The following PTGIS variants were observed in gnomAD, a reference collection of about 807,000 sequenced individuals.
The protein encoded by PTGIS is prostacyclin synthase.
A neutral mutation model predicts 50.3 loss-of-function variants in PTGIS; 45 were observed. That is an observed-to-expected ratio of 0.90 (90% CI 0.70 to 1.15). The LOEUF (loss-of-function observed/expected upper bound fraction) is 1.15, where lower values mean the gene tolerates loss of function less well. Ranked by LOEUF, PTGIS falls within the 50% of genes most tolerant of loss-of-function variation. The pLI is 0.00. For synonymous variants in PTGIS, 260 were observed against 267.7 expected, an observed-to-expected ratio of 0.97 and a Z score of 0.28; for missense variants, 668 against 661.3, an observed-to-expected ratio of 1.01 and a Z score of -0.11.
intron 5 of PTGIS, among the ~76,000 whole-genome samples, chr20:49,538,628 AAG>A (rs1982143861): frequency 3.3e-5 from 5 of 152,076 alleles, no homozygotes; most frequent in Admixed American, 3.3e-4. Flanking sequence ...CTGGCTGGGA[AAG>A]AGCATAAAAT....
intron 5 of PTGIS, among the ~76,000 whole-genome samples, chr20:49,536,478 CTTT>C (rs761478359): frequency 3.7e-5 from 4 of 108,664 alleles, no homozygotes; most frequent in East Asian, 2.4e-4. Flanking sequence ...TTCTTTCTTT[CTTT>C]TTTTTTTTTT....
chr20:49,550,365 C>T (rs1012097302), intron 1 of PTGIS, among the ~76,000 whole-genome samples, 176 bp from the exon 2 acceptor site: 2 of 152,194 alleles, frequency 1.3e-5, no homozygotes, highest in Admixed American at 1.3e-4. Flanking sequence ...ACCACACCCT[C>T]CCTCTTTCCC....
chr20:49,539,550 G>A lies in PTGIS; in HGVS notation c.673+20C>T. 6.2e-7 allele frequency: 1 copy of A among 1,611,332 alleles called. No homozygotes were observed. The highest frequency in any genetic ancestry group is 8.5e-7 in the Non-Finnish European group (1 of 1,178,630). On this transcript the variant is annotated intron_variant, in intron 5 of 9. Transcript: ENST00000244043. ...CTTTCCATCCTCCCCCCCACCCACTGGGGCCCCCATGGTGCTTACCCACTG... is the reference window on the plus strand; with the variant it reads ...CTTTCCATCCTCCCCCCCACCCACTAGGGCCCCCATGGTGCTTACCCACTG...
chr20:49,563,129 A>G (rs998207261), intron 1 of PTGIS, among the ~76,000 whole-genome samples: 2 of 152,198 alleles, frequency 1.3e-5, no homozygotes, highest in Non-Finnish European at 2.9e-5. Context: ...TCTCTGTTCA[A>G]TCATTTCAAC....
At chr20:49,509,952 A>G (rs1468423431) in intron 9 of PTGIS, among the ~76,000 whole-genome samples, 1 of 141,814 alleles carries the variant, frequency 7.1e-6, no homozygotes, top group African/African-American at 2.7e-5. Context: ...GCAACGGCGC[A>G]ATCTTGGCTC....
At chr20:49,522,844 G>T (rs1981687225) in intron 6 of PTGIS, among the ~76,000 whole-genome samples, 1 of 152,068 alleles carries the variant, frequency 6.6e-6, no homozygotes, top group African/African-American at 2.4e-5. Flanking sequence ...CCAACATGGT[G>T]AACTCCCATC....
At chr20:49,553,400 C>G (rs1014982316) in intron 1 of PTGIS, among the ~76,000 whole-genome samples, 1 of 151,918 alleles carries the variant, frequency 6.6e-6, no homozygotes, top group African/African-American at 2.4e-5. Context: ...AAATTCACAG[C>G]TATAAAAATG....
intron 6 of PTGIS, among the ~76,000 whole-genome samples, chr20:49,521,081 G>A (rs1032545825): frequency 7.9e-5 from 12 of 152,218 alleles, no homozygotes; most frequent in African/African-American, 2.7e-4. Context: ...CCCATGGTAG[G>A]TGCTCTAAAT....
intron 1 of PTGIS, among the ~76,000 whole-genome samples, chr20:49,553,664 A>C (rs1056865584): frequency 4.6e-5 from 7 of 151,978 alleles, no homozygotes; most frequent in African/African-American, 1.4e-4. Context: ...AAAAGGAAAT[A>C]GTTTTGTCTA....
chr20:49,517,255 T>C (rs903359529), intron 6 of PTGIS, among the ~76,000 whole-genome samples: 50 of 152,184 alleles, frequency 3.3e-4, no homozygotes, highest in African/African-American at 1.2e-3. Flanking sequence ...GGATGATAAA[T>C]AATTCAACAC....
rs114796539 is a variant in PTGIS at position 49,544,933 on chromosome 20, T to A, written c.378-485A>T. ...TCCCTGAAATCTAAAGATAGGAAGA[T>A]CTGTTGGAATAGCTGTGGTGTTCCC... On this transcript the variant is annotated intron_variant, in intron 3 of 9. Transcript: ENST00000244043. 2.1e-3 allele frequency among the ~76,000 whole-genome samples: 327 copies of A among 152,316 alleles called. 1 individual carries two copies. The highest frequency in any genetic ancestry group is 7.0e-3 in the African/African-American group (291 of 41,568).
At chr20:49,508,525 T>G (rs1601174953) in intron 9 of PTGIS, among the ~76,000 whole-genome samples, 1 of 152,116 alleles carries the variant, frequency 6.6e-6, no homozygotes, top group Non-Finnish European at 1.5e-5. Flanking sequence ...ACTCGGCAGG[T>G]GCAGAGCTGA....
Position 49,524,190 on chromosome 20 carries a change from T to C in PTGIS, c.723A>G (p.Leu241=), listed in dbSNP as rs5627. 10,550 of 1,614,156 alleles carry C rather than the reference T, an allele frequency of 6.5e-3. 288 individuals are homozygous for C. The African/African-American group carries it at 0.079, about 12-fold the overall frequency. ...CSVKSRLWKL[L]SPARLARRAH... ...CCCGCCTGGCCAGCCTGGCTGGGGA[T>C]AGCAGCTTCCACAGGCGACTTTTGA... The change falls in exon 6 of 10, where the codon CTA becomes CTG. Residue 241 remains leucine, a synonymous_variant. Coordinates refer to ENST00000244043, the MANE Select transcript of PTGIS (RefSeq NM_000961.4).
At chr20:49,511,263 G>A (rs1163187035) in intron 8 of PTGIS, 84 bp from the exon 9 acceptor site, 1 of 1,529,544 alleles carries the variant, frequency 6.5e-7, no homozygotes, top group Non-Finnish European at 9.0e-7. Context: ...GTTCATGACA[G>A]TCATGTTTAT....
intron 7 of PTGIS, 65 bp from the exon 8 acceptor site, chr20:49,513,326 C>G: frequency 1.9e-6 from 3 of 1,541,720 alleles, no homozygotes; most frequent in Non-Finnish European, 2.6e-6. Flanking sequence ...ATGCCAACCC[C>G]AGCTCTTATT....
rs980818952 is a variant in PTGIS at position 49,503,988 on chromosome 20, A to T, written c.*3932T>A. 1 of 152,250 alleles carries T rather than the reference A, an allele frequency of 6.6e-6. No individual in the cohort carries two copies. Among genetic ancestry groups the T allele is most frequent in the Non-Finnish European group, 1.5e-5 (1 of 68,044 alleles). The allele number at this position is 152,250 out of a possible 1,614,324, so 9.4% of individuals were successfully genotyped here. A position where few individuals can be genotyped will look rare whatever the true frequency, so the allele number is the denominator to read the frequency against. On this transcript the variant is annotated 3_prime_UTR_variant, in exon 10 of 10. Coordinates refer to ENST00000244043, the MANE Select transcript of PTGIS (RefSeq NM_000961.4). ...CATAACAATCACTGCTACTCAGGAA[A>T]CACTGTGTTTATTCTTTTTAATCAT...
chr20:49,508,698 T>C (rs976770650), intron 9 of PTGIS, among the ~76,000 whole-genome samples: 3 of 152,208 alleles, frequency 2.0e-5, no homozygotes, highest in African/African-American at 7.2e-5. Flanking sequence ...CTCAAGACAT[T>C]TTACTGCCAT....
chr20:49,543,178 C>G (rs1253869220), intron 4 of PTGIS, among the ~76,000 whole-genome samples: 1 of 152,064 alleles, frequency 6.6e-6, no homozygotes, highest in Non-Finnish European at 1.5e-5. Flanking sequence ...CTCACGCCCA[C>G]GCTCCCCCAT....
At chr20:49,521,649 C>T (rs182581355) in intron 6 of PTGIS, among the ~76,000 whole-genome samples, 5 of 152,302 alleles carry the variant, frequency 3.3e-5, no homozygotes, top group African/African-American at 9.6e-5. Context: ...AGTCCCCACC[C>T]CTTGCCAGTC....
Sources: gnomAD v4.1 joint callset for allele counts (sites outside exome capture counted in the v4.1 genomes callset) on GRCh38, gnomAD v4.1.1 for gene constraint, MANE v1.5 for transcripts, NCBI Gene and HGNC (gene_info 2026-07-23, HGNC 2026-07-21) for gene names.